GRIA1: variants seen among roughly 807,000 people sequenced by gnomAD.
GRIA1 encodes the protein glutamate receptor 1.
A neutral mutation model predicts 99.2 loss-of-function variants in GRIA1; 31 were observed. The ratio of observed to expected loss-of-function variants is 0.31; its 90% CI spans 0.23 to 0.42. The LOEUF (loss-of-function observed/expected upper bound fraction) is 0.42. Among genes scored for constraint, GRIA1 ranks in the 10% least tolerant of loss-of-function variants. The probability of loss-of-function intolerance (pLI) is 1.00; values close to 1 mark genes in which losing one functional copy is unlikely to be tolerated. For missense variants in GRIA1, 782 were observed against 1,157.5 expected, an observed-to-expected ratio of 0.68 and a Z score of 4.71; for synonymous variants, 438 against 432.4, an observed-to-expected ratio of 1.01 and a Z score of -0.16.
chr5:153,603,118 T>C (rs1278129022), intron 2 of GRIA1, among the ~76,000 whole-genome samples: 1 of 150,562 alleles, frequency 6.6e-6, no homozygotes, highest in Non-Finnish European at 1.5e-5. Flanking sequence ...TTCCCCTTCC[T>C]GTGTCCATGT....
intron 11 of GRIA1, among the ~76,000 whole-genome samples, chr5:153,741,321 A>G (rs1761770939): frequency 6.6e-6 from 1 of 152,226 alleles, no homozygotes; most frequent in Non-Finnish European, 1.5e-5. Context: ...AAAATGGTTC[A>G]GCCACTATGG....
intron 2 of GRIA1, among the ~76,000 whole-genome samples, chr5:153,540,003 G>T (rs1359378264): frequency 1.3e-5 from 2 of 152,200 alleles, no homozygotes; most frequent in Non-Finnish European, 2.9e-5. Flanking sequence ...GTGTTGGGTT[G>T]CTTTGTTCAA....
chr5:153,797,680 A>G (rs973651717), intron 14 of GRIA1, among the ~76,000 whole-genome samples: 7 of 152,150 alleles, frequency 4.6e-5, no homozygotes, highest in African/African-American at 1.7e-4. Context: ...CATCTCCTCA[A>G]TGCAATTTTG....
At chr5:153,656,166 A>G (rs1288650312) in intron 5 of GRIA1, among the ~76,000 whole-genome samples, 1 of 152,134 alleles carries the variant, frequency 6.6e-6, no homozygotes, top group African/African-American at 2.4e-5. Context: ...AATAGGGACA[A>G]AATCACCACA....
intron 1 of GRIA1, chr5:153,492,159 G>A (rs1338378388): frequency 2.0e-6 from 3 of 1,493,008 alleles, no homozygotes; most frequent in African/African-American, 2.8e-5. Flanking sequence ...GTGTGTGTTT[G>A]AGGGGGGATG....
At chr5:153,501,694 C>T (rs920164840) in intron 2 of GRIA1, among the ~76,000 whole-genome samples, 1 of 152,138 alleles carries the variant, frequency 6.6e-6, no homozygotes, top group Non-Finnish European at 1.5e-5. Flanking sequence ...CTTCCATCTC[C>T]AGTTTGGGAT....
At chr5:153,744,342 A>G (rs1762010601) in intron 11 of GRIA1, among the ~76,000 whole-genome samples, 1 of 152,252 alleles carries the variant, frequency 6.6e-6, no homozygotes, top group African/African-American at 2.4e-5. Flanking sequence ...TTGCTCTATA[A>G]CAAATGCTTT....
At chr5:153,748,061 C>T (rs1301558611) in intron 11 of GRIA1, among the ~76,000 whole-genome samples, 1 of 152,168 alleles carries the variant, frequency 6.6e-6, no homozygotes, top group African/African-American at 2.4e-5. Flanking sequence ...GATAAGACCC[C>T]CGCCCTCGCT....
intron 13 of GRIA1, among the ~76,000 whole-genome samples, chr5:153,772,879 T>C (rs1014426565): frequency 4.6e-5 from 7 of 152,198 alleles, no homozygotes; most frequent in African/African-American, 1.7e-4. Flanking sequence ...GACATCCACA[T>C]AAATACATGG....
intron 13 of GRIA1, among the ~76,000 whole-genome samples, chr5:153,791,155 A>C (rs1405182942): frequency 6.6e-6 from 1 of 151,290 alleles, no homozygotes. Flanking sequence ...GAAGAAGAAG[A>C]CCAGGAAAGG....
Position 153,653,403 on chromosome 5 carries a change from C to T in GRIA1, c.646-2416C>T, listed in dbSNP as rs1264047252. 2.0e-5 allele frequency among the ~76,000 whole-genome samples: 3 copies of T among 152,102 alleles called. 1 individual carries two copies. The South Asian group carries it at 6.2e-4, about 31-fold the overall frequency. On this transcript the variant is annotated intron_variant, in intron 4 of 15. Coordinates refer to ENST00000285900, the MANE Select transcript of GRIA1 (RefSeq NM_000827.4). ...GGAGAGGATGGCAGGAAGATAAACA[C>T]ACAATCAAGAATATCCTTGGAAACC...
At chr5:153,700,429 A>G (rs919223782) in intron 10 of GRIA1, among the ~76,000 whole-genome samples, 1 of 152,170 alleles carries the variant, frequency 6.6e-6, no homozygotes, top group Non-Finnish European at 1.5e-5. Context: ...CAGCCCAGGA[A>G]TTTTTAAAGT....
At chr5:153,808,903 T>C (rs1766620586) in intron 15 of GRIA1, among the ~76,000 whole-genome samples, 1 of 152,258 alleles carries the variant, frequency 6.6e-6, no homozygotes, top group Admixed American at 6.5e-5. Context: ...TTTAGTTACA[T>C]GCCTGGCTAA....
chr5:153,628,859 T>G (rs1220592666), intron 2 of GRIA1, among the ~76,000 whole-genome samples: 3 of 152,196 alleles, frequency 2.0e-5, no homozygotes, highest in Non-Finnish European at 4.4e-5. Context: ...CAGTAGTGAG[T>G]GCAGAAGGAC....
chr5:153,718,849 G>C (rs188147450), intron 11 of GRIA1, among the ~76,000 whole-genome samples: 566 of 152,274 alleles, frequency 3.7e-3, no homozygotes, highest in Non-Finnish European at 5.8e-3. Context: ...TTTCCAGCAG[G>C]AGGAGGAAGG....
intron 4 of GRIA1, among the ~76,000 whole-genome samples, chr5:153,653,188 T>A (rs143675280): frequency 6.6e-6 from 1 of 152,272 alleles, no homozygotes; most frequent in African/African-American, 2.4e-5. Context: ...ATTAAAAGAA[T>A]AAGGAATCAA....
chr5:153,521,379 A>G (rs893148758), intron 2 of GRIA1, among the ~76,000 whole-genome samples: 1 of 152,258 alleles, frequency 6.6e-6, no homozygotes, highest in African/African-American at 2.4e-5. Flanking sequence ...GCAGATTCCA[A>G]TGGCCTCTGA....
At chr5:153,645,032 A>G (rs150324877) in intron 2 of GRIA1, among the ~76,000 whole-genome samples, 4 of 152,234 alleles carry the variant, frequency 2.6e-5, no homozygotes, top group African/African-American at 7.2e-5. Flanking sequence ...ACAAGGAGAA[A>G]GAACAATGTG....
intron 15 of GRIA1, among the ~76,000 whole-genome samples, chr5:153,803,495 A>G (rs1467282869): frequency 2.0e-5 from 3 of 152,202 alleles, no homozygotes; most frequent in African/African-American, 2.4e-5. Context: ...GCACAAAATA[A>G]TTACTCAGTG....
Sources: gnomAD v4.1 joint callset for allele counts (sites outside exome capture counted in the v4.1 genomes callset) on GRCh38, gnomAD v4.1.1 for gene constraint, MANE v1.5 for transcripts, NCBI Gene and HGNC (gene_info 2026-07-23, HGNC 2026-07-21) for gene names.